EBF1: variants seen among roughly 807,000 people sequenced by gnomAD.
The protein encoded by EBF1 is EBF transcription factor 1.
EBF1 carries 10 observed loss-of-function variants against 68.4 expected under a neutral mutation model. The observed-to-expected ratio is 0.15, with a 90% CI of 0.09 to 0.25. The LOEUF is 0.25. Ranked by LOEUF, EBF1 falls within the 10% of genes least tolerant of loss-of-function variation. The probability of loss-of-function intolerance (pLI) is 1.00; values close to 1 mark genes in which losing one functional copy is unlikely to be tolerated. For synonymous variants in EBF1, 298 were observed against 299.8 expected, an observed-to-expected ratio of 0.99 and a Z score of 0.06; for missense variants, 509 against 794.4, an observed-to-expected ratio of 0.64 and a Z score of 4.32.
Position 158,993,696 on chromosome 5 carries a change from A to G in EBF1, c.554+79700T>C, listed in dbSNP as rs568350992. On this transcript the variant is annotated intron_variant, in intron 6 of 15. Coordinates refer to ENST00000313708, the MANE Select transcript of EBF1 (RefSeq NM_024007.5). ...GGGATTGCTCCAAATGTAAAATGAC[A>G]TAAGGAGAAAGCACGTGTAAAGATT... 1.1e-4 allele frequency among the ~76,000 whole-genome samples: 16 copies of G among 152,328 alleles called. No individual in the cohort carries two copies. In the South Asian group the frequency reaches 3.1e-3, roughly 30 times the overall value.
intron 6 of EBF1, among the ~76,000 whole-genome samples, chr5:158,965,756 T>C (rs1011555938): frequency 6.6e-6 from 1 of 152,230 alleles, no homozygotes; most frequent in Non-Finnish European, 1.5e-5. Flanking sequence ...CACATAGTAG[T>C]ATTTAGTAGC....
rs1369645572 is a variant in EBF1, at chr5:158,697,487, C to A, written c.*1624G>T. On this transcript the variant is annotated 3_prime_UTR_variant, in exon 16 of 16. Coordinates refer to ENST00000313708, the MANE Select transcript of EBF1 (RefSeq NM_024007.5). ...ACGCACTTTTCACGTAGCAAACATACACAATAAAATAAATTGGGGGTGGAA... is the reference window on the plus strand; with the variant it reads ...ACGCACTTTTCACGTAGCAAACATAAACAATAAAATAAATTGGGGGTGGAA... The A allele has an allele frequency of 4.8e-6, 1 of 209,018 alleles. No homozygotes were observed. Among genetic ancestry groups the A allele is most frequent in the Admixed American group, 5.9e-5 (1 of 16,890 alleles). 12.9% of individuals were successfully genotyped at this position (209,018 alleles called of 1,614,324 possible).
intron 6 of EBF1, among the ~76,000 whole-genome samples, chr5:158,972,691 G>A (rs897955578): frequency 2.0e-5 from 3 of 152,096 alleles, no homozygotes; most frequent in East Asian, 1.9e-4. Flanking sequence ...CTCCACTTTC[G>A]ATGGCTTCCG....
At chr5:158,855,879 T>C (rs1190609931) in intron 6 of EBF1, among the ~76,000 whole-genome samples, 1 of 152,188 alleles carries the variant, frequency 6.6e-6, no homozygotes, top group Non-Finnish European at 1.5e-5. Context: ...GAGACCATGG[T>C]GGGACACCCC....
At chr5:159,041,496 T>C (rs1028858726) in intron 6 of EBF1, among the ~76,000 whole-genome samples, 1 of 152,248 alleles carries the variant, frequency 6.6e-6, no homozygotes, top group Non-Finnish European at 1.5e-5. Context: ...TTTCTTTGAA[T>C]GACATTTACT....
chr5:158,827,830 C>T (rs1216736138), intron 7 of EBF1, among the ~76,000 whole-genome samples: 1 of 152,108 alleles, frequency 6.6e-6, no homozygotes, highest in Non-Finnish European at 1.5e-5. Flanking sequence ...AAGCATTTCT[C>T]CAACAAACAC....
intron 6 of EBF1, among the ~76,000 whole-genome samples, chr5:158,969,887 A>AG (rs1491098885): frequency 7.3e-5 from 8 of 109,690 alleles, no homozygotes; most frequent in African/African-American, 2.6e-4. Flanking sequence ...AAAGAAAGAA[A>AG]GAAAGAAAGA....
chr5:159,001,321 G>A (rs1762496833), intron 6 of EBF1, among the ~76,000 whole-genome samples: 1 of 152,048 alleles, frequency 6.6e-6, no homozygotes, highest in Admixed American at 6.6e-5. Context: ...ATAGACATAA[G>A]CCACATCCAC....
chr5:158,957,156 G>C (rs1817300855), intron 6 of EBF1, among the ~76,000 whole-genome samples: 1 of 152,152 alleles, frequency 6.6e-6, no homozygotes, highest in Admixed American at 6.5e-5. Context: ...AGCGCCCTGT[G>C]AGATAGACAT....
At chr5:158,919,028 T>A (rs913220644) in intron 6 of EBF1, among the ~76,000 whole-genome samples, 1 of 152,206 alleles carries the variant, frequency 6.6e-6, no homozygotes, top group Non-Finnish European at 1.5e-5. Context: ...TGCAAATGGC[T>A]GTTAAAAATC....
intron 6 of EBF1, among the ~76,000 whole-genome samples, chr5:158,904,663 A>C (rs534515416): frequency 6.6e-6 from 1 of 152,292 alleles, no homozygotes; most frequent in South Asian, 2.1e-4. Flanking sequence ...ATATCCATTT[A>C]TGGGCCCATT....
chr5:158,814,124 T>C (rs909625528), intron 8 of EBF1, among the ~76,000 whole-genome samples: 1 of 152,192 alleles, frequency 6.6e-6, no homozygotes, highest in African/African-American at 2.4e-5. Flanking sequence ...GGGGATGTAA[T>C]TGCTTAAGCC....
intron 6 of EBF1, among the ~76,000 whole-genome samples, chr5:158,947,783 G>A (rs1400872556): frequency 6.6e-6 from 1 of 152,128 alleles, no homozygotes; most frequent in Non-Finnish European, 1.5e-5. Flanking sequence ...AGCTAAATAC[G>A]AAAGTAAAGA....
At chr5:158,862,052 TTTGA>T (rs932101345) in intron 6 of EBF1, among the ~76,000 whole-genome samples, 1 of 152,228 alleles carries the variant, frequency 6.6e-6, no homozygotes, top group Non-Finnish European at 1.5e-5. Flanking sequence ...TCTCCTAATG[TTTGA>T]TTACTTTCAA....
chr5:158,783,735 T>C (rs1776867666), intron 9 of EBF1, among the ~76,000 whole-genome samples: 1 of 152,188 alleles, frequency 6.6e-6, no homozygotes. Context: ...ACTGTGGCCA[T>C]GACAAGATGG....
chr5:159,080,439 T>C (rs551672519), intron 5 of EBF1, among the ~76,000 whole-genome samples: 1 of 152,298 alleles, frequency 6.6e-6, no homozygotes, highest in Non-Finnish European at 1.5e-5. Context: ...CGTTTTTGAG[T>C]GTTTTGCACA....
intron 6 of EBF1, among the ~76,000 whole-genome samples, chr5:158,878,288 A>G (rs1023437896): frequency 5.9e-5 from 9 of 152,252 alleles, no homozygotes; most frequent in Admixed American, 3.9e-4. Flanking sequence ...GAAGAGAGAG[A>G]GGAAAGAGAA....
chr5:159,033,787 G>C (rs895348525), intron 6 of EBF1, among the ~76,000 whole-genome samples: 1 of 152,122 alleles, frequency 6.6e-6, no homozygotes, highest in Non-Finnish European at 1.5e-5. Context: ...CTGAAAATTA[G>C]CTTTTTTTCT....
intron 10 of EBF1, among the ~76,000 whole-genome samples, chr5:158,738,505 G>A (rs192471634): frequency 1.3e-5 from 2 of 152,282 alleles, no homozygotes; most frequent in East Asian, 3.9e-4. Flanking sequence ...GAAGATTGTA[G>A]GTGTTAACAG....
Sources: allele counts gnomAD v4.1 joint callset (sites outside exome capture counted in the v4.1 genomes callset), GRCh38; gene constraint gnomAD v4.1.1; transcripts MANE v1.5; gene names NCBI Gene and HGNC (gene_info 2026-07-23, HGNC 2026-07-21).